The following SNX29 variants were observed in gnomAD, a reference collection of about 807,000 sequenced individuals.
SNX29 encodes the protein sorting nexin-29.
In SNX29, 78 loss-of-function variants were observed where a neutral mutation model predicts 102.1. That is an observed-to-expected ratio of 0.76 (90% confidence interval 0.64 to 0.92). The LOEUF is 0.92. SNX29 is among the 40% of genes least tolerant of loss of function. SNX29 has a pLI of 0.00. For missense variants in SNX29, 1,280 were observed against 1,061.7 expected, an observed-to-expected ratio of 1.21 and a Z score of -2.86; for synonymous variants, 580 against 414.5, an observed-to-expected ratio of 1.40 and a Z score of -4.85.
chr16:12,549,095 G>C (rs1292293683), intron 20 of SNX29, among the ~76,000 whole-genome samples: 1 of 152,194 alleles, frequency 6.6e-6, no homozygotes, highest in Non-Finnish European at 1.5e-5. Flanking sequence ...CTGTTACAGT[G>C]TCATTTCTTG....
intron 20 of SNX29, among the ~76,000 whole-genome samples, chr16:12,555,536 G>A (rs1374206537): frequency 1.3e-5 from 2 of 151,264 alleles, no homozygotes; most frequent in Non-Finnish European, 2.9e-5. Context: ...TGCTCTCTGG[G>A]AGGTCATACC....
chr16:12,088,883 T>A (rs2052355178), intron 11 of SNX29, among the ~76,000 whole-genome samples: 1 of 151,828 alleles, frequency 6.6e-6, no homozygotes, highest in Non-Finnish European at 1.5e-5. Flanking sequence ...AGGTCAGGAG[T>A]TCGAGACCAG....
Position 12,572,317 on chromosome 16 carries a change from C to G in SNX29, c.*3688C>G, listed in dbSNP as rs1598142818. The stretch of plus-strand genomic sequence containing the variant: ...CAGTGATCACAATCCAGGTTGGAAA[C>G]AGGAGTGAAGCCCACCAGCCTGCCT... On this transcript the variant is annotated 3_prime_UTR_variant, in exon 21 of 21. Transcript: ENST00000566228. The G allele has an allele frequency of 1.9e-6, 2 of 1,062,748 alleles. No individual in the cohort carries two copies. The highest frequency in any genetic ancestry group is 2.3e-6 in the Non-Finnish European group (2 of 877,678). 65.8% of individuals were successfully genotyped at this position (1,062,748 alleles called of 1,614,324 possible).
intron 4 of SNX29, among the ~76,000 whole-genome samples, chr16:12,040,167 C>T (rs2049818265): frequency 6.6e-6 from 1 of 152,030 alleles, no homozygotes; most frequent in African/African-American, 2.4e-5. Flanking sequence ...AGTTTGGTAC[C>T]AGCCTGCCAG....
chr16:12,368,433 A>T lies in SNX29; in HGVS notation c.1899+12154A>T, dbSNP rs1247251762. On this transcript the variant is annotated intron_variant, in intron 16 of 20. Coordinates refer to ENST00000566228, the MANE Select transcript of SNX29 (RefSeq NM_032167.5). ...CTGTGAGTCAAGAGAGGCATTTTCCACACTGGCTTACATCGCCTGTCGGTC... is the reference window on the plus strand; with the variant it reads ...CTGTGAGTCAAGAGAGGCATTTTCCTCACTGGCTTACATCGCCTGTCGGTC... Among the ~76,000 whole-genome samples, 4 of 152,254 alleles carry T rather than the reference A, an allele frequency of 2.6e-5. No homozygotes were observed. In the East Asian group the frequency reaches 7.7e-4, roughly 29 times the overall value.
At position 12,571,298 on chromosome 16, in the gene SNX29, C is replaced by T. The variant is rs1280731022; in HGVS notation, c.*2669C>T. The T allele has an allele frequency of 4.3e-5, 10 of 232,016 alleles. No homozygotes were observed. The highest frequency in any genetic ancestry group is 6.0e-5 in the Non-Finnish European group (7 of 117,400). The allele number at this position is 232,016 out of a possible 1,614,324, so 14.4% of individuals were successfully genotyped here. A position where few individuals can be genotyped will look rare whatever the true frequency, so the allele number is the denominator to read the frequency against. ...AAACCTGGTGCCCAAATTCCACACC[C>T]TGGAAATGTGTCAACTGCCTGTCAG... On this transcript the variant is annotated 3_prime_UTR_variant, in exon 21 of 21. Transcript: ENST00000566228.
intron 20 of SNX29, among the ~76,000 whole-genome samples, chr16:12,553,814 C>G (rs1474199147): frequency 6.6e-6 from 1 of 152,062 alleles, no homozygotes; most frequent in Non-Finnish European, 1.5e-5. Context: ...TCTCGAACTC[C>G]TGACCTTGTG....
intron 16 of SNX29, among the ~76,000 whole-genome samples, chr16:12,366,696 C>T (rs944361176): frequency 6.6e-6 from 1 of 152,202 alleles, no homozygotes; most frequent in African/African-American, 2.4e-5. Context: ...TTTTCTCCCA[C>T]TCTCTCCATT....
intron 1 of SNX29, among the ~76,000 whole-genome samples, chr16:11,979,543 C>T (rs1252215951): frequency 6.6e-6 from 1 of 152,004 alleles, no homozygotes; most frequent in East Asian, 1.9e-4. Context: ...AATATTTCCT[C>T]TTTCTTCTGT....
chr16:12,358,415 C>G (rs2082204685), intron 16 of SNX29, among the ~76,000 whole-genome samples: 2 of 152,134 alleles, frequency 1.3e-5, no homozygotes, highest in Non-Finnish European at 1.5e-5. Flanking sequence ...ACTAAAAATA[C>G]AAAAATTAGC....
chr16:12,076,858 C>G (rs2051599075), intron 10 of SNX29, among the ~76,000 whole-genome samples: 1 of 152,204 alleles, frequency 6.6e-6, no homozygotes, highest in South Asian at 2.1e-4. Context: ...CTGGAACAGT[C>G]AAGGGTTCTG....
chr16:12,382,463 G>A (rs1470141658), intron 16 of SNX29, among the ~76,000 whole-genome samples: 2 of 152,152 alleles, frequency 1.3e-5, no homozygotes, highest in Non-Finnish European at 2.9e-5. Context: ...AACTCTCTGA[G>A]TCTATTTCCC....
In SNX29 at chr16:12,124,608, T is replaced by C. The variant is rs538105461; in HGVS notation, c.1403-2025T>C. 1.4e-4 allele frequency among the ~76,000 whole-genome samples: 22 copies of C among 152,350 alleles called. No individual in the cohort carries two copies. In the East Asian group the frequency reaches 4.0e-3, roughly 28 times the overall value. ...CTTCATTTCACATATTTAAACATTATTGTACCAGAAATGTATTTCAGTACA... is the reference window on the plus strand; with the variant it reads ...CTTCATTTCACATATTTAAACATTACTGTACCAGAAATGTATTTCAGTACA... On this transcript the variant is annotated intron_variant, in intron 11 of 20. Transcript: ENST00000566228.
intron 11 of SNX29, among the ~76,000 whole-genome samples, chr16:12,106,122 C>T (rs979663324): frequency 2.6e-5 from 4 of 152,232 alleles, no homozygotes; most frequent in South Asian, 2.1e-4. Context: ...ATGCTCTCAC[C>T]GGGGACTCTA....
intron 2 of SNX29, among the ~76,000 whole-genome samples, chr16:12,001,190 C>T (rs2056273612): frequency 2.6e-5 from 4 of 151,962 alleles, no homozygotes; most frequent in Admixed American, 2.0e-4. Flanking sequence ...CAGCTCACTG[C>T]AACCTCTGTC....
chr16:12,278,170 C>G (rs895331852), intron 15 of SNX29, 134 bp downstream of exon 15: 3 of 691,984 alleles, frequency 4.3e-6, no homozygotes, highest in Non-Finnish European at 7.5e-6. Flanking sequence ...CAAAACAAAG[C>G]AAGACCAAAT....
At chr16:12,517,439 T>C (rs922472058) in intron 19 of SNX29, among the ~76,000 whole-genome samples, 1 of 152,220 alleles carries the variant, frequency 6.6e-6, no homozygotes, top group African/African-American at 2.4e-5. Flanking sequence ...CGGCTCTCTT[T>C]GGAATCAGGG....
At chr16:11,982,666 T>C (rs764831100) in intron 1 of SNX29, among the ~76,000 whole-genome samples, 4 of 152,050 alleles carry the variant, frequency 2.6e-5, no homozygotes, top group Non-Finnish European at 4.4e-5. Context: ...CCTGACCTCG[T>C]GAACCACCTG....
chr16:12,144,630 A>C (rs2054989563), intron 13 of SNX29, among the ~76,000 whole-genome samples: 1 of 152,230 alleles, frequency 6.6e-6, no homozygotes, highest in South Asian at 2.1e-4. Context: ...AGCTTCCAGA[A>C]CTGTGAGAAA....
Sources: gnomAD v4.1 joint callset for allele counts (sites outside exome capture counted in the v4.1 genomes callset) on GRCh38, gnomAD v4.1.1 for gene constraint, MANE v1.5 for transcripts, NCBI Gene and HGNC (gene_info 2026-07-23, HGNC 2026-07-21) for gene names.